Variants in QTRT2 observed in about 807,000 individuals in gnomAD.
QTRT2 encodes queuine tRNA-ribosyltransferase accessory subunit 2.
In QTRT2, 32 loss-of-function variants were observed where a neutral mutation model predicts 44.8. The ratio of observed to expected loss-of-function variants is 0.71; its 90% CI spans 0.54 to 0.96. The LOEUF (loss-of-function observed/expected upper bound fraction) is 0.96, where lower values mean the gene tolerates loss of function less well. Ranked by LOEUF, QTRT2 falls within the 40% of genes least tolerant of loss-of-function variation. The pLI, the probability that QTRT2 is intolerant of heterozygous loss-of-function variation, is 0.00. For missense variants in QTRT2, 461 were observed against 503.1 expected, an observed-to-expected ratio of 0.92 and a Z score of 0.80; for synonymous variants, 182 against 187.4, an observed-to-expected ratio of 0.97 and a Z score of 0.24.
At position 114,088,248 on chromosome 3, in the gene QTRT2, G is replaced by A. The variant is rs2077261485; in HGVS notation, c.*2344G>A. The A allele has an allele frequency of 6.6e-6, 1 of 152,088 alleles. No individual in the cohort carries two copies. Among genetic ancestry groups the A allele is most frequent in the African/African-American group, 2.4e-5 (1 of 41,400 alleles). The allele number at this position is 152,088 out of a possible 1,614,324, so 9.4% of individuals were successfully genotyped here. ...TGTGTCCAATATCGTTCAGTTTCCT[G>A]GGTCTTTTTCTTATTAGCACATTTG... is the stretch of plus-strand genomic sequence containing the variant. On this transcript the variant is annotated 3_prime_UTR_variant, in exon 10 of 10. Coordinates refer to ENST00000281273, the MANE Select transcript of QTRT2 (RefSeq NM_024638.4).
At position 114,070,739 on chromosome 3, in the gene QTRT2, A is replaced by G; in HGVS notation, c.447A>G (p.Val149=). The change falls in exon 6 of 10, where the codon GTA becomes GTG. Residue 149 remains valine, a synonymous_variant. Coordinates refer to ENST00000281273, the MANE Select transcript of QTRT2 (RefSeq NM_024638.4). ...TCCAGTGCCTCTCCGATGGAGAAGT[A>G]TCTTGTAAGGAAGCAACTTCCATAA... ...DWFQCLSDGE[V]SCKEATSIKR... The G allele has an allele frequency of 1.2e-6, 2 of 1,614,078 alleles. No homozygotes were observed. Among genetic ancestry groups the G allele is most frequent in the Non-Finnish European group, 1.7e-6 (2 of 1,179,956 alleles).
intron 6 of QTRT2, among the ~76,000 whole-genome samples, chr3:114,074,367 T>C (rs547323365): frequency 6.6e-6 from 1 of 152,096 alleles, no homozygotes; most frequent in East Asian, 1.9e-4. Context: ...GAGCCAGGAG[T>C]CATTTGAGAC....
At position 114,084,842 on chromosome 3, in the gene QTRT2, T is replaced by C. The variant is rs142189425; in HGVS notation, c.1017-831T>C. Among the ~76,000 whole-genome samples, 30 of 152,324 alleles carry C rather than the reference T, an allele frequency of 2.0e-4. No individual in the cohort carries two copies. In the East Asian group the frequency reaches 4.6e-3, roughly 23 times the overall value. On this transcript the variant is annotated intron_variant, in intron 9 of 9. Coordinates refer to ENST00000281273, the MANE Select transcript of QTRT2 (RefSeq NM_024638.4). ...CCCTCCCTCTCAACCCCCATAGTTA[T>C]CTTCATCTGTAGAATGACAATAAAA... is the stretch of plus-strand genomic sequence containing the variant.
At chr3:114,083,314 CTGT>C (rs56306334) in intron 9 of QTRT2, among the ~76,000 whole-genome samples, 75,667 of 150,062 alleles carry the variant, frequency 0.5, 19,044 homozygotes, top group South Asian at 0.53. Flanking sequence ...GTTGCTGCTG[CTGT>C]TGTTGTTGTT....
At position 114,060,496 on chromosome 3, in the gene QTRT2, G is replaced by GTAGGTAGGTAGGTAGA. The variant is rs74776205; in HGVS notation, c.-22+3393_-22+3394insGTAGGTAGGTAGATAG. On this transcript the variant is annotated intron_variant, in intron 2 of 9. Transcript: ENST00000281273. ...GATAGGTAGGTAGGTAGGTAGGTAG[G>GTAGGTAGGTAGGTAGA]TAGATAGATAGATAGATAGATAGAT... Among the ~76,000 whole-genome samples the GTAGGTAGGTAGGTAGA allele has an allele frequency of 5.4e-4, 78 of 144,538 alleles. No individual in the cohort carries two copies. The East Asian group carries it at 7.0e-3, about 13-fold the overall frequency. The allele number at this position is 144,538 out of a possible 152,430, so 94.8% of individuals were successfully genotyped here.
At chr3:114,067,811 G>A (rs927390907) in intron 4 of QTRT2, among the ~76,000 whole-genome samples, 176 bp from the exon 5 acceptor site, 1 of 152,114 alleles carries the variant, frequency 6.6e-6, no homozygotes, top group Admixed American at 6.5e-5. Flanking sequence ...CTTTAGATTA[G>A]TAATCTTTTT....
chr3:114,059,144 G>A (rs907031829), intron 2 of QTRT2, among the ~76,000 whole-genome samples: 3 of 152,228 alleles, frequency 2.0e-5, no homozygotes, highest in Admixed American at 2.0e-4. Context: ...GGAAGTGTTA[G>A]GACAGGTACG....
In QTRT2 at chr3:114,086,003, A is replaced by C; in HGVS notation, c.*99A>C. ...GAAATAATCTGAGCTTTAATTATTT[A>C]TATTTGGATATAAGGTCTGCTTAAA... is the stretch of plus-strand genomic sequence containing the variant. On this transcript the variant is annotated 3_prime_UTR_variant, in exon 10 of 10. Transcript: ENST00000281273. 1 of 940,832 alleles carries C rather than the reference A, an allele frequency of 1.1e-6. No homozygotes were observed. Among genetic ancestry groups the C allele is most frequent in the Non-Finnish European group, 1.7e-6 (1 of 601,376 alleles). 58.3% of individuals were successfully genotyped at this position (940,832 alleles called of 1,614,324 possible).
intron 9 of QTRT2, 169 bp downstream of exon 9, chr3:114,082,963 A>G (rs749676756): frequency 5.0e-6 from 3 of 604,548 alleles, no homozygotes; most frequent in Non-Finnish European, 9.1e-6. Context: ...TTTTCTTCAG[A>G]TGAATTTGTA....
intron 1 of QTRT2, 43 bp downstream of exon 1, chr3:114,056,907 T>A (rs1407525226): frequency 1.3e-6 from 2 of 1,532,870 alleles, no homozygotes; most frequent in South Asian, 2.4e-5. Flanking sequence ...CTGCTAGAGA[T>A]GGATGAGTCA....
At chr3:114,061,858 G>A (rs568551245) in intron 2 of QTRT2, among the ~76,000 whole-genome samples, 3 of 152,186 alleles carry the variant, frequency 2.0e-5, no homozygotes, top group East Asian at 1.9e-4. Context: ...AATTACAGGC[G>A]TGAGCCAATG....
intron 9 of QTRT2, among the ~76,000 whole-genome samples, chr3:114,084,018 C>T (rs1270242454): frequency 6.7e-6 from 1 of 149,990 alleles, no homozygotes; most frequent in African/African-American, 2.4e-5. Flanking sequence ...TAGCACTGCT[C>T]TTGACTGTGT....
At chr3:114,074,938 T>C (rs2107798554) in intron 6 of QTRT2, among the ~76,000 whole-genome samples, 1 of 152,374 alleles carries the variant, frequency 6.6e-6, no homozygotes, top group South Asian at 2.1e-4. Flanking sequence ...TATATTATGA[T>C]CTACGTAAGC....
intron 9 of QTRT2, among the ~76,000 whole-genome samples, chr3:114,085,306 C>T (rs2077220699): frequency 6.6e-6 from 1 of 152,072 alleles, no homozygotes. Context: ...CCCCTGGGTT[C>T]AAGCGATTCT....
intron 2 of QTRT2, among the ~76,000 whole-genome samples, chr3:114,062,368 C>CAAAAA (rs143192501): frequency 1.2e-5 from 1 of 86,180 alleles, no homozygotes; most frequent in African/African-American, 4.5e-5. Flanking sequence ...GACCTTGTCT[C>CAAAAA]AAAAAAAAAA....
At chr3:114,080,384 G>C (rs2077151953) in intron 8 of QTRT2, among the ~76,000 whole-genome samples, 1 of 152,124 alleles carries the variant, frequency 6.6e-6, no homozygotes, top group East Asian at 1.9e-4. Flanking sequence ...CTTGGTAAAA[G>C]TTAACTTGTT....
Position 114,076,782 on chromosome 3 carries a change from G to A in QTRT2, c.586G>A (p.Gly196Arg). 7 of 1,614,188 alleles carry A rather than the reference G, an allele frequency of 4.3e-6. No individual in the cohort carries two copies. Among genetic ancestry groups the A allele is most frequent in the Non-Finnish European group, 5.9e-6 (7 of 1,180,020 alleles). The change falls in exon 7 of 10, where the codon GGA becomes AGA. Residue 196 changes from glycine (G) to arginine (R), a missense_variant. Gly to Arg is a moderately radical substitution (Grantham distance 125). Coordinates refer to ENST00000281273, the MANE Select transcript of QTRT2 (RefSeq NM_024638.4). ...TGTGATCATTGGAGTGATTGAAGGT[G>A]GAGATGTGATGGAAGAGAGGCTGAG... ...KSVIIGVIEGGDVMEERLRSA... is the reference protein window; with the variant it reads ...KSVIIGVIEGRDVMEERLRSA...
At chr3:114,059,013 C>G (rs575947256) in intron 2 of QTRT2, among the ~76,000 whole-genome samples, 50 of 152,290 alleles carry the variant, frequency 3.3e-4, no homozygotes, top group African/African-American at 1.1e-3. Context: ...AAAAATATGA[C>G]CATCTTTTGC....
At chr3:114,061,880 A>G (rs2076890997) in intron 2 of QTRT2, among the ~76,000 whole-genome samples, 1 of 152,154 alleles carries the variant, frequency 6.6e-6, no homozygotes, top group Admixed American at 6.5e-5. Flanking sequence ...GCCCAACCAA[A>G]GCCACTTTCT....
Sources: gnomAD v4.1 joint callset for allele counts (sites outside exome capture counted in the v4.1 genomes callset) on GRCh38, gnomAD v4.1.1 for gene constraint, MANE v1.5 for transcripts, NCBI Gene and HGNC (gene_info 2026-07-23, HGNC 2026-07-21) for gene names.